Variants in MYO9B observed in about 807,000 individuals in gnomAD.
The protein encoded by MYO9B is unconventional myosin-IXb.
MYO9B carries 71 observed loss-of-function variants against 229.5 expected under a neutral mutation model. That is an observed-to-expected ratio of 0.31 (90% CI 0.26 to 0.38). The LOEUF (loss-of-function observed/expected upper bound fraction) is 0.38, where lower values mean the gene tolerates loss of function less well. MYO9B is among the 10% of genes least tolerant of loss of function. The pLI is 1.00. For synonymous variants in MYO9B, 1,185 were observed against 1,235.8 expected, an observed-to-expected ratio of 0.96 and a Z score of 0.86; for missense variants, 2,255 against 2,920.5, an observed-to-expected ratio of 0.77 and a Z score of 5.25.
Position 17,101,625 on chromosome 19 carries a change from A to G in MYO9B, c.-58-35A>G, listed in dbSNP as rs2057745258. 1.4e-6 allele frequency: 2 copies of G among 1,451,432 alleles called. No individual in the cohort carries two copies. Among genetic ancestry groups the G allele is most frequent in the Non-Finnish European group, 9.0e-7 (1 of 1,105,736 alleles). The allele number at this position is 1,451,432 out of a possible 1,614,324, so 89.9% of individuals were successfully genotyped here. ...CATGCCCCTTAAACTTCCTCCCACC[A>G]TTCTGACCATGCCTGGCTCTGACCT... On this transcript the variant is annotated intron_variant, in intron 1 of 39. Transcript: ENST00000682292. The surrounding 1 kb of genome is among the most constrained non-coding windows in gnomAD (Gnocchi z 4.7).
At chr19:17,089,866 A>G (rs971418485) in intron 1 of MYO9B, among the ~76,000 whole-genome samples, 52 of 152,182 alleles carry the variant, frequency 3.4e-4, no homozygotes, top group African/African-American at 1.2e-3. Context: ...CACCAGCTCT[A>G]TCTGATTCCA....
intron 2 of MYO9B, among the ~76,000 whole-genome samples, chr19:17,111,070 G>A (rs2057843465): frequency 1.3e-5 from 2 of 152,048 alleles, no homozygotes; most frequent in African/African-American, 4.8e-5. Context: ...TATCCACTTC[G>A]ACCTCTGCCC....
rs1041474741 is a variant in MYO9B at position 17,193,408 on chromosome 19, A to C, written c.3128+346A>C. ...ACACTCACATGGAGCTGGGGCATCC[A>C]CCGGGCACAGAGAAGCCCCCAGGAG... is the stretch of plus-strand genomic sequence containing the variant. On this transcript the variant is annotated intron_variant, in intron 21 of 39. Transcript: ENST00000682292. This position sits in a 1 kb window ranked among gnomAD's most constrained non-coding sequence, Gnocchi z 4.3. Among the ~76,000 whole-genome samples, 1 of 152,064 alleles carries C rather than the reference A, an allele frequency of 6.6e-6. No homozygotes were observed. The highest frequency in any genetic ancestry group is 2.4e-5 in the African/African-American group (1 of 41,438).
rs745387636 is a variant in MYO9B at position 17,211,721 on chromosome 19, C to T, written c.6005C>T (p.Ser2002Leu). Residue 2002 changes from serine to leucine, a missense_variant, in exon 39 of 40, where the codon TCG becomes TTG. This residue lies in a region of MYO9B where 331 missense variants were observed against 332.5 expected (regional missense o/e 1.00). Coordinates refer to ENST00000682292, the MANE Select transcript of MYO9B (RefSeq NM_004145.4). The stretch of plus-strand genomic sequence containing the variant: ...GAGGAGAACCTGGACTCGGAGACGT[C>T]GGCCAGCACCGAGAGCCTGCTGGAG... ...SDEENLDSET[S>L]ASTESLLEER... 8.1e-6 allele frequency: 13 copies of T among 1,612,740 alleles called. No homozygotes were observed. The highest frequency in any genetic ancestry group is 2.2e-5 in the East Asian group (1 of 44,866).
chr19:17,097,951 T>A (rs2057708424), intron 1 of MYO9B, among the ~76,000 whole-genome samples: 4 of 152,044 alleles, frequency 2.6e-5, no homozygotes. Context: ...TGCCTTCCAG[T>A]AAAACTTTAT....
chr19:17,212,107 GCTGCCCCAGTGCGGCGCCGGGAGCCAC>G lies in MYO9B; in HGVS notation c.6278_6304del (p.Pro2093_Ala2101del). ...CTGGGCACCGGGTGCCCGGGAGGCG[GCTGCCCCAGTGCGGCGCCGGGAGCCAC>G]CTGCCCGCCGCCCGGACCAGATACA... On this transcript the variant is annotated inframe_deletion, in exon 40 of 40. Coordinates refer to ENST00000682292, the MANE Select transcript of MYO9B (RefSeq NM_004145.4). This position sits in a 1 kb window ranked among gnomAD's most constrained non-coding sequence, Gnocchi z 5.4. The G allele has an allele frequency of 1.3e-6, 2 of 1,589,676 alleles. No individual in the cohort carries two copies. Among genetic ancestry groups the G allele is most frequent in the South Asian group, 1.1e-5 (1 of 88,686 alleles).
intron 2 of MYO9B, among the ~76,000 whole-genome samples, chr19:17,109,079 T>TTC (rs2057822254): frequency 7.9e-6 from 1 of 127,176 alleles, no homozygotes; most frequent in Admixed American, 7.9e-5. Context: ...TTTATTTATT[T>TTC]ATTTTGAAAC....
At position 17,203,258 on chromosome 19, in the gene MYO9B, G is replaced by A; in HGVS notation, c.4990G>A (p.Val1664Met). 2 of 1,547,802 alleles carry A rather than the reference G, an allele frequency of 1.3e-6. No homozygotes were observed. The highest frequency in any genetic ancestry group is 1.7e-6 in the Non-Finnish European group (2 of 1,143,592). Residue 1664 changes from valine (V) to methionine (M), a missense_variant and splice_region_variant, in exon 30 of 40, where the codon GTG (valine) becomes ATG (methionine). This residue lies in a region of MYO9B where 416 missense variants were observed against 605.5 expected (regional missense o/e 0.69). Transcript: ENST00000682292. ...WLMDKALLCS[V>M]CKMTCHKKCV... ...CATGGACAAGGCCCTGCTCTGCAGC[G>A]GTGAGTGGCTCCCCCACCAGGCCCC...
intron 4 of MYO9B, 84 bp downstream of exon 4, chr19:17,152,790 T>C: frequency 7.9e-7 from 1 of 1,273,218 alleles, no homozygotes; most frequent in Admixed American, 2.0e-5. Flanking sequence ...AAAGCAAACG[T>C]CCTGAGGTCG....
intron 3 of MYO9B, among the ~76,000 whole-genome samples, chr19:17,149,848 A>C (rs1465023786): frequency 6.6e-6 from 1 of 152,130 alleles, no homozygotes; most frequent in Non-Finnish European, 1.5e-5. Flanking sequence ...AGGGGCCATC[A>C]TCTGTCAAGC....
rs969704515 is a variant in MYO9B at position 17,210,491 on chromosome 19, C to A, written c.5796+111C>A. 3 of 1,362,498 alleles carry A rather than the reference C, an allele frequency of 2.2e-6. No homozygotes were observed. In the African/African-American group the frequency reaches 4.4e-5, roughly 20 times the overall value. The allele number at this position is 1,362,498 out of a possible 1,614,324, so 84.4% of individuals were successfully genotyped here. On this transcript the variant is annotated intron_variant, in intron 37 of 39. Coordinates refer to ENST00000682292, the MANE Select transcript of MYO9B (RefSeq NM_004145.4). Reference sequence around the variant, plus strand: ...GATAGACAGAGCCTGTCCTAACCTTCCGGAAGTGCATGCTGGGGAGGCCCC... The same window carrying A: ...GATAGACAGAGCCTGTCCTAACCTTACGGAAGTGCATGCTGGGGAGGCCCC...
At chr19:17,080,346 T>A (rs1354023412) in intron 1 of MYO9B, among the ~76,000 whole-genome samples, 1 of 152,106 alleles carries the variant, frequency 6.6e-6, no homozygotes, top group Non-Finnish European at 1.5e-5. Context: ...ACGTTTAAGA[T>A]CACATTCAAG....
intron 4 of MYO9B, among the ~76,000 whole-genome samples, chr19:17,153,384 T>TTA (rs539239896): frequency 1.5e-5 from 2 of 136,062 alleles, no homozygotes; most frequent in East Asian, 2.1e-4. Context: ...TTGTCTCTTT[T>TTA]AAAAAAAAAA....
At chr19:17,080,935 G>T (rs1167051828) in intron 1 of MYO9B, among the ~76,000 whole-genome samples, 1 of 151,922 alleles carries the variant, frequency 6.6e-6, no homozygotes, top group Non-Finnish European at 1.5e-5. Flanking sequence ...ATTTCAATAT[G>T]TGAATATTTC....
chr19:17,158,576 C>G (rs2072562120), intron 7 of MYO9B, among the ~76,000 whole-genome samples: 2 of 149,914 alleles, frequency 1.3e-5, no homozygotes, highest in South Asian at 4.2e-4. Flanking sequence ...GCCTGAGCAA[C>G]AGAGCAAGAC....
chr19:17,159,223 C>A, intron 7 of MYO9B, among the ~76,000 whole-genome samples, 172 bp from the exon 8 acceptor site: 1 of 142,574 alleles, frequency 7.0e-6, no homozygotes, highest in South Asian at 2.4e-4. Flanking sequence ...AACCAAAAAA[C>A]CAGCACATCG....
chr19:17,131,566 G>A (rs546585590), intron 2 of MYO9B, among the ~76,000 whole-genome samples: 4 of 152,306 alleles, frequency 2.6e-5, no homozygotes, highest in African/African-American at 7.2e-5. Flanking sequence ...ACTGTGCCTG[G>A]CCCTATTGAA....
At chr19:17,200,929 C>A in intron 26 of MYO9B, 100 bp downstream of exon 26, 1 of 1,359,356 alleles carries the variant, frequency 7.4e-7, no homozygotes, top group Non-Finnish European at 1.0e-6. Flanking sequence ...CAGGGTTTAG[C>A]AGGTCAAGAA....
In MYO9B at chr19:17,086,979, T is replaced by C. The variant is rs2057589312; in HGVS notation, c.-59+11105T>C. Among the ~76,000 whole-genome samples, 2 of 152,170 alleles carry C rather than the reference T, an allele frequency of 1.3e-5. 1 individual carries two copies. The highest frequency in any genetic ancestry group is 4.2e-4 in the South Asian group (2 of 4,818). On this transcript the variant is annotated intron_variant, in intron 1 of 39. Transcript: ENST00000682292. Reference sequence around the variant, plus strand: ...GCAGTGTTAGCACAGTTATGCTGGATTTTTCCTCCCCAAAGCACTTATCAC... The same window carrying C: ...GCAGTGTTAGCACAGTTATGCTGGACTTTTCCTCCCCAAAGCACTTATCAC...
Sources: gnomAD v4.1 joint callset for allele counts (sites outside exome capture counted in the v4.1 genomes callset) on GRCh38, gnomAD v4.1.1 for gene constraint, gnomAD v4.1.1 regional missense constraint, Gnocchi (gnomAD v3.1) non-coding constraint, MANE v1.5 for transcripts, NCBI Gene and HGNC (gene_info 2026-07-23, HGNC 2026-07-21) for gene names.